Variants in EIF2AK2 observed in about 807,000 individuals in gnomAD.
EIF2AK2 encodes eukaryotic translation initiation factor 2 alpha kinase 2.
Under a neutral mutation model 70.5 loss-of-function variants are expected in EIF2AK2, and 40 were observed. That is an observed-to-expected ratio of 0.57 (90% CI 0.44 to 0.74). EIF2AK2 has a LOEUF of 0.74. Ranked by LOEUF, EIF2AK2 falls within the 30% of genes least tolerant of loss-of-function variation. The pLI, the probability that EIF2AK2 is intolerant of heterozygous loss-of-function variation, is 0.00. For synonymous variants in EIF2AK2, 198 were observed against 220.9 expected, an observed-to-expected ratio of 0.90 and a Z score of 0.92; for missense variants, 555 against 644.3, an observed-to-expected ratio of 0.86 and a Z score of 1.50.
chr2:37,154,362 A>C (rs1558434769), intron 1 of EIF2AK2, among the ~76,000 whole-genome samples: 1 of 152,010 alleles, frequency 6.6e-6, no homozygotes, highest in Admixed American at 6.5e-5. Context: ...CAAACAAAAA[A>C]ACATCAATTC....
At chr2:37,111,295 T>C (rs1283576246) in intron 14 of EIF2AK2, among the ~76,000 whole-genome samples, 1 of 152,152 alleles carries the variant, frequency 6.6e-6, no homozygotes, top group Non-Finnish European at 1.5e-5. Context: ...GTGAAGGTGG[T>C]AAATTTTATG....
chr2:37,107,033 C>T lies in EIF2AK2; in HGVS notation c.*240G>A. On this transcript the variant is annotated 3_prime_UTR_variant, in exon 17 of 17. Coordinates refer to ENST00000233057, the MANE Select transcript of EIF2AK2 (RefSeq NM_001135651.3). ...CTCCAGCCTGGGCAACAGAGCGAGACTCTGTCTTTAAAAAAAAAAAAAGAA... is the reference window on the plus strand; with the variant it reads ...CTCCAGCCTGGGCAACAGAGCGAGATTCTGTCTTTAAAAAAAAAAAAAGAA... The T allele has an allele frequency of 3.2e-6, 1 of 315,676 alleles. No individual in the cohort carries two copies. Among genetic ancestry groups the T allele is most frequent in the Non-Finnish European group, 5.0e-6 (1 of 200,038 alleles). The allele number at this position is 315,676 out of a possible 1,614,324, so 19.6% of individuals were successfully genotyped here.
chr2:37,122,365 G>T, intron 12 of EIF2AK2, 141 bp downstream of exon 12: 2 of 951,724 alleles, frequency 2.1e-6, no homozygotes, highest in Non-Finnish European at 3.0e-6. Flanking sequence ...CTTACCTTCG[G>T]AATGGAGAGA....
chr2:37,140,359 C>T (rs1048081219), intron 5 of EIF2AK2, among the ~76,000 whole-genome samples: 21 of 152,148 alleles, frequency 1.4e-4, no homozygotes, highest in Admixed American at 1.3e-4. Flanking sequence ...GATACTTGGA[C>T]AATTATATAA....
intron 12 of EIF2AK2, among the ~76,000 whole-genome samples, chr2:37,121,931 G>C (rs893971851): frequency 6.6e-6 from 1 of 152,198 alleles, no homozygotes; most frequent in African/African-American, 2.4e-5. Context: ...ACAGATGCCA[G>C]CTCTTTAGGA....
chr2:37,126,900 TG>T (rs1674749493), intron 10 of EIF2AK2, among the ~76,000 whole-genome samples: 1 of 133,676 alleles, frequency 7.5e-6, no homozygotes, highest in Admixed American at 9.2e-5. Context: ...GAGGTTGCAG[TG>T]AGCCAAGATC....
chr2:37,130,759 C>G (rs1674912216), intron 10 of EIF2AK2, among the ~76,000 whole-genome samples: 1 of 152,192 alleles, frequency 6.6e-6, no homozygotes, highest in Non-Finnish European at 1.5e-5. Flanking sequence ...CGGTCAGGCA[C>G]TTTGATTGGA....
intron 4 of EIF2AK2, 121 bp downstream of exon 4, chr2:37,146,732 A>G: frequency 7.8e-7 from 1 of 1,284,404 alleles, no homozygotes; most frequent in Middle Eastern, 2.2e-4. Flanking sequence ...ACTTAACCAA[A>G]CTCTTGAATG....
intron 15 of EIF2AK2, among the ~76,000 whole-genome samples, chr2:37,108,328 C>G (rs1237720838): frequency 6.6e-6 from 1 of 152,024 alleles, no homozygotes; most frequent in Non-Finnish European, 1.5e-5. Context: ...CCTGCTGTCC[C>G]CAAATACACT....
chr2:37,135,197 G>A (rs1429773921), intron 10 of EIF2AK2, among the ~76,000 whole-genome samples: 1 of 152,094 alleles, frequency 6.6e-6, no homozygotes, highest in Non-Finnish European at 1.5e-5. Flanking sequence ...AACCAATTGG[G>A]CCTAGTAAGA....
In EIF2AK2 at chr2:37,135,492, C is replaced by A. The variant is rs1267193519; in HGVS notation, c.777G>T (p.Val259=). The A allele has an allele frequency of 6.2e-7, 1 of 1,605,850 alleles. No homozygotes were observed. The highest frequency in any genetic ancestry group is 8.5e-7 in the Non-Finnish European group (1 of 1,176,682). Residue 259 remains valine, a synonymous_variant, in exon 10 of 17, where the codon GTG becomes GTT. Coordinates refer to ENST00000233057, the MANE Select transcript of EIF2AK2 (RefSeq NM_001135651.3). ...LPDMKETKYT[V]DKRFGMDFKE... is the part of the protein sequence containing the mutation. The stretch of plus-strand genomic sequence containing the variant: ...AGCACTTAAAATCTTACCTCTTGTC[C>A]ACAGTATACTTTGTTTCTTTCATGT...
intron 6 of EIF2AK2, among the ~76,000 whole-genome samples, chr2:37,138,930 G>A (rs1008527763): frequency 2.6e-5 from 4 of 151,660 alleles, no homozygotes; most frequent in African/African-American, 4.8e-5. Context: ...TGAGTAGCTA[G>A]GACTACAGGT....
At chr2:37,136,816 A>G (rs1191810929) in intron 9 of EIF2AK2, 167 bp downstream of exon 9, 2 of 579,704 alleles carry the variant, frequency 3.5e-6, no homozygotes, top group African/African-American at 3.8e-5. Context: ...CACATAGTCA[A>G]AGATTTCTCG....
intron 12 of EIF2AK2, among the ~76,000 whole-genome samples, chr2:37,121,124 G>C (rs971313994): frequency 2.0e-5 from 3 of 149,178 alleles, no homozygotes; most frequent in African/African-American, 7.3e-5. Flanking sequence ...TTAGCCGGGC[G>C]TGGTGGCGGG....
intron 10 of EIF2AK2, among the ~76,000 whole-genome samples, chr2:37,129,980 C>A (rs1326409365): frequency 3.9e-5 from 6 of 152,210 alleles, no homozygotes; most frequent in Admixed American, 1.3e-4. Flanking sequence ...AGCTACCCAC[C>A]ATTCTCCAAT....
intron 10 of EIF2AK2, among the ~76,000 whole-genome samples, chr2:37,132,814 T>G (rs571254083): frequency 1.3e-5 from 2 of 152,268 alleles, no homozygotes; most frequent in Admixed American, 1.3e-4. Context: ...AGGGGACACC[T>G]TCCAAGACAA....
chr2:37,152,889 C>T lies in EIF2AK2; in HGVS notation c.-183-3866G>A, dbSNP rs1558433827. Among the ~76,000 whole-genome samples, 3 of 152,206 alleles carry T rather than the reference C, an allele frequency of 2.0e-5. No individual in the cohort carries two copies. In the South Asian group the frequency reaches 6.2e-4, roughly 31 times the overall value. On this transcript the variant is annotated intron_variant, in intron 1 of 16. Coordinates refer to ENST00000233057, the MANE Select transcript of EIF2AK2 (RefSeq NM_001135651.3). Reference sequence around the variant, plus strand: ...AAGTTTCCTTTCACAGGAAATGAGTCCACCATCTATCCAAGTCTGAAAGCC... The same window carrying T: ...AAGTTTCCTTTCACAGGAAATGAGTTCACCATCTATCCAAGTCTGAAAGCC...
At chr2:37,114,067 G>C (rs530542887) in intron 14 of EIF2AK2, among the ~76,000 whole-genome samples, 13 of 152,186 alleles carry the variant, frequency 8.5e-5, no homozygotes, top group African/African-American at 3.1e-4. Flanking sequence ...TAAGAAAATA[G>C]TTAAATACAA....
rs1674065877 is a variant in EIF2AK2 at position 37,109,263 on chromosome 2, G to A, written c.1410C>T (p.Asp470=). 1 of 1,614,000 alleles carries A rather than the reference G, an allele frequency of 6.2e-7. No individual in the cohort carries two copies. Among genetic ancestry groups the A allele is most frequent in the Admixed American group, 1.7e-5 (1 of 59,992 alleles). Residue 470 remains aspartate, a synonymous_variant, in exon 15 of 17, where the codon GAC becomes GAT. Coordinates refer to ENST00000233057, the MANE Select transcript of EIF2AK2 (RefSeq NM_001135651.3). ...ISSQDYGKEV[D]LYALGLILAE... ...CAAGAATTAGCCCCAAAGCGTAGAG[G>A]TCCACTTCCTTTCCATAGTCTTGCG...
Sources: gnomAD v4.1 joint callset for allele counts (sites outside exome capture counted in the v4.1 genomes callset) on GRCh38, gnomAD v4.1.1 for gene constraint, MANE v1.5 for transcripts, NCBI Gene and HGNC (gene_info 2026-07-23, HGNC 2026-07-21) for gene names.